CLIP1: variants seen among roughly 807,000 people sequenced by gnomAD.
CLIP1 encodes the protein CAP-Gly domain-containing linker protein 1.
Under a neutral mutation model 161.6 loss-of-function variants are expected in CLIP1, and 66 were observed. The ratio of observed to expected loss-of-function variants is 0.41; its 90% CI spans 0.33 to 0.50. The LOEUF (loss-of-function observed/expected upper bound fraction) is 0.50, where lower values mean the gene tolerates loss of function less well. Among genes scored for constraint, CLIP1 ranks in the 20% least tolerant of loss-of-function variants. The probability of loss-of-function intolerance (pLI) is 0.27; values close to 1 mark genes in which losing one functional copy is unlikely to be tolerated. For synonymous variants in CLIP1, 598 were observed against 626.2 expected (o/e 0.96, Z 0.67); for missense variants, 1,376 against 1,702.0 (o/e 0.81, Z 3.37).
At chr12:122,352,880 A>G in intron 7 of CLIP1, 94 bp from the exon 8 acceptor site, 2 of 1,042,616 alleles carry the variant, frequency 1.9e-6, no homozygotes, top group Admixed American at 3.6e-5. Context: ...CACGTTGGGC[A>G]TGGTAGGCCA....
chr12:122,363,053 A>G (rs1953949856), intron 4 of CLIP1, among the ~76,000 whole-genome samples: 1 of 152,236 alleles, frequency 6.6e-6, no homozygotes, highest in Admixed American at 6.5e-5. Context: ...CCACATTTTA[A>G]TAATCAAGTG....
At chr12:122,370,789 C>T (rs984419236) in intron 3 of CLIP1, among the ~76,000 whole-genome samples, 1 of 151,844 alleles carries the variant, frequency 6.6e-6, no homozygotes, top group Non-Finnish European at 1.5e-5. Context: ...CCACAGGATC[C>T]AGGACCCCAA....
chr12:122,401,834 C>T (rs896272828), intron 1 of CLIP1, among the ~76,000 whole-genome samples: 1 of 151,058 alleles, frequency 6.6e-6, no homozygotes, highest in Non-Finnish European at 1.5e-5. Flanking sequence ...CCAGTCTCCA[C>T]TAACAATACA....
intron 3 of CLIP1, among the ~76,000 whole-genome samples, chr12:122,376,765 T>C (rs1016727887): frequency 6.6e-6 from 1 of 151,892 alleles, no homozygotes; most frequent in Non-Finnish European, 1.5e-5. Flanking sequence ...CCACGGCACC[T>C]GGCCAAGAAA....
intron 20 of CLIP1, among the ~76,000 whole-genome samples, chr12:122,292,612 A>G (rs1950292940): frequency 6.6e-6 from 1 of 152,202 alleles, no homozygotes; most frequent in African/African-American, 2.4e-5. Flanking sequence ...TCTAGGCATT[A>G]GTTGTGCTCA....
At chr12:122,360,815 C>A in intron 5 of CLIP1, 144 bp downstream of exon 5, 1 of 666,480 alleles carries the variant, frequency 1.5e-6, no homozygotes, top group Non-Finnish European at 2.4e-6. Flanking sequence ...TCAAAACTTA[C>A]TTGCAAAGAC....
chr12:122,400,180 C>A (rs769305780), intron 1 of CLIP1: 11 of 152,160 alleles, frequency 7.2e-5, no homozygotes, highest in Non-Finnish European at 1.3e-4. Flanking sequence ...TAAGAAAGGG[C>A]AAGCTATTTG....
intron 20 of CLIP1, among the ~76,000 whole-genome samples, chr12:122,293,779 G>C (rs1950351352): frequency 6.9e-6 from 1 of 144,394 alleles, no homozygotes; most frequent in Non-Finnish European, 1.5e-5. Flanking sequence ...TGCCCGGCCT[G>C]AGAATTTGTT....
chr12:122,276,434 C>A (rs1017292391), intron 24 of CLIP1: 1 of 1,267,220 alleles, frequency 7.9e-7, no homozygotes, highest in South Asian at 1.2e-5. Flanking sequence ...AAACATGAAA[C>A]GAACCATTTG....
intron 20 of CLIP1, among the ~76,000 whole-genome samples, chr12:122,307,460 C>T (rs1950917074): frequency 1.3e-5 from 2 of 152,156 alleles, no homozygotes; most frequent in African/African-American, 2.4e-5. Context: ...GAACCTAGGT[C>T]GTGGGTCAGT....
intron 10 of CLIP1, chr12:122,342,643 C>A (rs1389039523): frequency 6.6e-6 from 1 of 152,042 alleles, no homozygotes. Flanking sequence ...TCAGTCTCGG[C>A]AACACAGCAA....
At chr12:122,363,351 G>T (rs186888702) in intron 4 of CLIP1, among the ~76,000 whole-genome samples, 54 of 152,248 alleles carry the variant, frequency 3.5e-4, no homozygotes, top group Middle Eastern at 3.4e-3. Context: ...AATTAGCCAG[G>T]CATTGTGGCG....
intron 24 of CLIP1, chr12:122,275,273 A>G (rs972204924): frequency 6.6e-6 from 1 of 152,160 alleles, no homozygotes; most frequent in African/African-American, 2.4e-5. Flanking sequence ...TCATAATCTT[A>G]TATTTCTGAA....
chr12:122,387,574 ATATATATATATATATATTTT>A (rs1393513297), intron 1 of CLIP1, among the ~76,000 whole-genome samples: 1 of 3,538 alleles, frequency 2.8e-4, no homozygotes, highest in African/African-American at 4.7e-4. Flanking sequence ...ATATATATAT[ATATATATATATATATATTTT>A]TTTTTTTTTT....
chr12:122,307,044 C>G (rs1374223925), intron 20 of CLIP1, among the ~76,000 whole-genome samples: 1 of 123,256 alleles, frequency 8.1e-6, no homozygotes, highest in Non-Finnish European at 1.6e-5. Flanking sequence ...GAGTCTCACT[C>G]TGTCGCCCAG....
chr12:122,360,945 G>A lies in CLIP1; in HGVS notation c.1005+14C>T. On this transcript the variant is annotated intron_variant, in intron 5 of 25. Transcript: ENST00000620786. The stretch of plus-strand genomic sequence containing the variant: ...CCTGGGAAGTGGAGGCAGGTAGTGA[G>A]AAAGGGGCCTTACTAGTCCTGTCCG... 1 of 1,598,078 alleles carries A rather than the reference G, an allele frequency of 6.3e-7. No individual in the cohort carries two copies. The highest frequency in any genetic ancestry group is 1.1e-5 in the South Asian group (1 of 90,258).
At position 122,352,713 on chromosome 12, in the gene CLIP1, G is replaced by C. The variant is rs758273580; in HGVS notation, c.1368+13C>G. On this transcript the variant is annotated intron_variant, in intron 8 of 25. Transcript: ENST00000620786. ...TACCCATAAAAGCTGTAAGAGAGCT[G>C]GAGGGGTTTTACCTCAAGATCACCT... is the stretch of plus-strand genomic sequence containing the variant. 1 of 1,609,038 alleles carries C rather than the reference G, an allele frequency of 6.2e-7. No individual in the cohort carries two copies. Among genetic ancestry groups the C allele is most frequent in the Non-Finnish European group, 8.5e-7 (1 of 1,175,756 alleles).
chr12:122,399,876 G>A (rs201877970), intron 1 of CLIP1: 1 of 152,122 alleles, frequency 6.6e-6, no homozygotes, highest in Non-Finnish European at 1.5e-5. Flanking sequence ...GGGGAGAGAC[G>A]TTCTGAGAGC....
chr12:122,404,900 A>C (rs1036988250), intron 1 of CLIP1, among the ~76,000 whole-genome samples: 4 of 142,650 alleles, frequency 2.8e-5, no homozygotes, highest in African/African-American at 1.1e-4. Flanking sequence ...ACTCCATCTC[A>C]AAAAAAAAAA....
Sources: gnomAD v4.1 joint callset for allele counts (sites outside exome capture counted in the v4.1 genomes callset) on GRCh38, gnomAD v4.1.1 for gene constraint, MANE v1.5 for transcripts, NCBI Gene and HGNC (gene_info 2026-07-23, HGNC 2026-07-21) for gene names.